The following PECAM1 variants were observed in gnomAD, a reference collection of about 807,000 sequenced individuals.
PECAM1 encodes the protein platelet and endothelial cell adhesion molecule 1.
PECAM1 carries 8 observed loss-of-function variants against 13.8 expected under a neutral mutation model. That is an observed-to-expected ratio of 0.58 (90% confidence interval 0.34 to 1.05). The LOEUF (loss-of-function observed/expected upper bound fraction) is 1.05, where lower values mean the gene tolerates loss of function less well. PECAM1 is among the 50% of genes least tolerant of loss of function. The pLI is 0.03. For missense variants in PECAM1, 304 were observed against 141.2 expected (o/e 2.15, Z -5.84); for synonymous variants, 136 against 52.6 (o/e 2.58, Z -6.86).
chr17:64,368,261 G>A (rs976450604), intron 5 of PECAM1, among the ~76,000 whole-genome samples: 1 of 152,136 alleles, frequency 6.6e-6, no homozygotes, highest in African/African-American at 2.4e-5. Flanking sequence ...TGTTCTCAGC[G>A]GCTTGCATTC....
chr17:64,349,032 C>G (rs904261449), intron 12 of PECAM1, among the ~76,000 whole-genome samples: 1 of 152,114 alleles, frequency 6.6e-6, no homozygotes, highest in African/African-American at 2.4e-5. Flanking sequence ...ACTCAAGATG[C>G]TGGAAGCCTT....
At chr17:64,324,672 G>A (rs1166148829) in intron 15 of PECAM1, among the ~76,000 whole-genome samples, 2 of 152,144 alleles carry the variant, frequency 1.3e-5, no homozygotes, top group African/African-American at 4.8e-5. Context: ...CAACTGAAAT[G>A]TTTTAAAATG....
At chr17:64,330,182 A>AT (rs1353471216) in intron 14 of PECAM1, among the ~76,000 whole-genome samples, 4 of 151,590 alleles carry the variant, frequency 2.6e-5, no homozygotes, top group African/African-American at 4.8e-5. Context: ...TGCCTGGCTA[A>AT]TTTTTTTTGT....
intron 6 of PECAM1, among the ~76,000 whole-genome samples, chr17:64,362,379 G>T (rs2143817918): frequency 6.6e-6 from 1 of 152,218 alleles, no homozygotes; most frequent in East Asian, 1.9e-4. Flanking sequence ...GCCGGGTGTG[G>T]TGGCTCAGGC....
chr17:64,384,394 C>A (rs1414932088), intron 2 of PECAM1, among the ~76,000 whole-genome samples: 1 of 152,118 alleles, frequency 6.6e-6, no homozygotes, highest in Non-Finnish European at 1.5e-5. Context: ...TCAAGATGCC[C>A]CCCCCAATGG....
At chr17:64,341,830 A>T (rs2035438535) in intron 13 of PECAM1, 140 bp from the exon 14 acceptor site, 1 of 397,650 alleles carries the variant, frequency 2.5e-6, no homozygotes, top group Non-Finnish European at 4.5e-6. Flanking sequence ...GTCCAGAAGC[A>T]CCCAGAGACC....
intron 14 of PECAM1, among the ~76,000 whole-genome samples, chr17:64,331,798 G>A (rs1052073856): frequency 6.6e-6 from 1 of 152,256 alleles, no homozygotes; most frequent in Non-Finnish European, 1.5e-5. Flanking sequence ...TGAAGACAGA[G>A]AAGTCATGGG....
intron 7 of PECAM1, among the ~76,000 whole-genome samples, chr17:64,357,996 T>G (rs7503858): frequency 0.86 from 131,129 of 151,994 alleles, 59,105 homozygotes; most frequent in East Asian, 1. Flanking sequence ...CTACTCCTGA[T>G]ACTGGCACCT....
chr17:64,386,647 C>T (rs1011839977), intron 2 of PECAM1, among the ~76,000 whole-genome samples: 71 of 151,980 alleles, frequency 4.7e-4, no homozygotes, highest in African/African-American at 1.7e-3. Context: ...AAATGCCACA[C>T]GCAGCTGGGT....
rs192564970 is a variant in PECAM1 at position 64,322,551 on chromosome 17, C to T, written c.*1265G>A. Reference sequence around the variant, plus strand: ...ATTTAATACAACATCCACGAGGGTCCCTGCAGCTGTGTCACTGAGGCAAAC... The same window carrying T: ...ATTTAATACAACATCCACGAGGGTCTCTGCAGCTGTGTCACTGAGGCAAAC... On this transcript the variant is annotated 3_prime_UTR_variant, in exon 16 of 16. Transcript: ENST00000563924. 7.6e-5 allele frequency: 75 copies of T among 985,316 alleles called. No homozygotes were observed. The African/African-American group carries it at 1.3e-3, about 17-fold the overall frequency. 61.0% of individuals were successfully genotyped at this position (985,316 alleles called of 1,614,324 possible).
At chr17:64,330,354 G>A (rs534150188) in intron 14 of PECAM1, among the ~76,000 whole-genome samples, 2 of 151,892 alleles carry the variant, frequency 1.3e-5, no homozygotes, top group African/African-American at 4.8e-5. Flanking sequence ...TAGAAATGTA[G>A]TATCACGGCT....
At chr17:64,353,329 A>G (rs2035772804) in intron 10 of PECAM1, among the ~76,000 whole-genome samples, 162 bp downstream of exon 10, 1 of 151,340 alleles carries the variant, frequency 6.6e-6, no homozygotes, top group Non-Finnish European at 1.5e-5. Flanking sequence ...ACACACACAC[A>G]CACACACACA....
intron 4 of PECAM1, among the ~76,000 whole-genome samples, chr17:64,373,959 G>A (rs2036299412): frequency 6.6e-6 from 1 of 152,106 alleles, no homozygotes. Context: ...GCTTCCCTCT[G>A]CTGTTGCCTC....
At chr17:64,367,379 G>A (rs890066264) in intron 5 of PECAM1, among the ~76,000 whole-genome samples, 17 of 151,884 alleles carry the variant, frequency 1.1e-4, no homozygotes, top group African/African-American at 1.7e-4. Context: ...GCGAAACCCC[G>A]TCTCTACTAA....
chr17:64,374,460 G>A (rs2036311312), intron 4 of PECAM1, among the ~76,000 whole-genome samples: 1 of 151,822 alleles, frequency 6.6e-6, no homozygotes. Flanking sequence ...CTGCACTCCA[G>A]CTCAGGCAAC....
chr17:64,336,866 G>GAAAGA (rs1217771565), intron 14 of PECAM1, among the ~76,000 whole-genome samples: 1 of 126,066 alleles, frequency 7.9e-6, no homozygotes, highest in Non-Finnish European at 1.7e-5. Flanking sequence ...TTACAAAAAA[G>GAAAGA]AAAGAAAAGA....
rs1384467905 is a variant in PECAM1, at chr17:64,334,759, A to G, written c.2165-5037T>C. On this transcript the variant is annotated intron_variant, in intron 14 of 15. Transcript: ENST00000563924. ...CCTGACCTCATGATCCGCCCGCCTT[A>G]GCCTCCCAAATTGCTGGGATTACAG... Among the ~76,000 whole-genome samples the G allele has an allele frequency of 2.2e-4, 33 of 152,186 alleles. No homozygotes were observed. In the South Asian group the frequency reaches 3.7e-3, roughly 17 times the overall value.
chr17:64,326,412 G>A (rs782218934), intron 15 of PECAM1, among the ~76,000 whole-genome samples: 3 of 152,222 alleles, frequency 2.0e-5, no homozygotes, highest in Non-Finnish European at 4.4e-5. Context: ...ATGCAGGGCC[G>A]AGGTGCCCCA....
At chr17:64,385,377 C>A in intron 2 of PECAM1, among the ~76,000 whole-genome samples, 2 of 152,290 alleles carry the variant, frequency 1.3e-5, no homozygotes, top group East Asian at 3.9e-4. Context: ...AGCCCCCTGG[C>A]CCTCAACCTG....
Sources: gnomAD v4.1 joint callset for allele counts (sites outside exome capture counted in the v4.1 genomes callset) on GRCh38, gnomAD v4.1.1 for gene constraint, MANE v1.5 for transcripts, NCBI Gene and HGNC (gene_info 2026-07-23, HGNC 2026-07-21) for gene names.